Variants in ZFHX3 observed in about 807,000 individuals in gnomAD.
ZFHX3 encodes the protein zinc finger homeobox protein 3.
In ZFHX3, 42 loss-of-function variants were observed where a neutral mutation model predicts 279.1. The ratio of observed to expected loss-of-function variants is 0.15; its 90% CI spans 0.12 to 0.19. The LOEUF (loss-of-function observed/expected upper bound fraction) is 0.19, where lower values mean the gene tolerates loss of function less well. Among genes scored for constraint, ZFHX3 ranks in the 10% least tolerant of loss-of-function variants. The pLI, the probability that ZFHX3 is intolerant of heterozygous loss-of-function variation, is 1.00. For missense variants in ZFHX3, 4,981 were observed against 4,754.0 expected (o/e 1.05, Z -1.40); for synonymous variants, 2,293 against 1,957.8 (o/e 1.17, Z -4.52).
At chr16:73,763,642 T>C (rs113851874) in intron 1 of ZFHX3, among the ~76,000 whole-genome samples, 7 of 152,260 alleles carry the variant, frequency 4.6e-5, no homozygotes, top group South Asian at 2.1e-4. Context: ...TCCCTCCTTT[T>C]GAATGGGTGT....
intron 2 of ZFHX3, among the ~76,000 whole-genome samples, chr16:73,604,724 G>A (rs925858705): frequency 2.8e-5 from 4 of 143,998 alleles, no homozygotes; most frequent in South Asian, 2.4e-4. Context: ...CAACCTGGGC[G>A]ACAGAGGGAG....
intron 7 of ZFHX3, among the ~76,000 whole-genome samples, chr16:73,098,028 C>A (rs989884153): frequency 6.6e-6 from 1 of 150,530 alleles, no homozygotes; most frequent in African/African-American, 2.4e-5. Flanking sequence ...AATAATGTTG[C>A]TGTCAACATG....
intron 4 of ZFHX3, among the ~76,000 whole-genome samples, chr16:73,309,959 A>G (rs751113754): frequency 2.4e-5 from 3 of 125,852 alleles, no homozygotes; most frequent in Non-Finnish European, 4.7e-5. Flanking sequence ...CCCAGGATGG[A>G]GTGCAATGGA....
intron 3 of ZFHX3, among the ~76,000 whole-genome samples, chr16:73,379,350 A>G (rs1263835072): frequency 1.3e-5 from 2 of 152,034 alleles, no homozygotes; most frequent in African/African-American, 2.4e-5. Flanking sequence ...GCCCCAATCT[A>G]TCACCCCACA....
At chr16:73,149,742 T>G (rs1419852467) in intron 5 of ZFHX3, among the ~76,000 whole-genome samples, 1 of 152,242 alleles carries the variant, frequency 6.6e-6, no homozygotes, top group Non-Finnish European at 1.5e-5. Context: ...GCTCTTTACC[T>G]GGATTTTATC....
chr16:73,749,947 T>C (rs1218164909), intron 1 of ZFHX3, among the ~76,000 whole-genome samples: 1 of 152,182 alleles, frequency 6.6e-6, no homozygotes, highest in East Asian at 1.9e-4. Context: ...TCCCAAACCA[T>C]ACTTACTAGC....
chr16:73,843,936 A>G (rs1055577724), intron 1 of ZFHX3, among the ~76,000 whole-genome samples: 1 of 152,232 alleles, frequency 6.6e-6, no homozygotes, highest in Admixed American at 6.5e-5. Flanking sequence ...CATGTGTAAC[A>G]AAATATTCTT....
chr16:73,703,751 A>G (rs2053275665), intron 1 of ZFHX3, among the ~76,000 whole-genome samples: 1 of 152,346 alleles, frequency 6.6e-6, no homozygotes, highest in African/African-American at 2.4e-5. Context: ...ACACACAGGT[A>G]GATGGATAGG....
intron 5 of ZFHX3, among the ~76,000 whole-genome samples, chr16:73,186,034 G>T (rs1055722043): frequency 6.6e-6 from 1 of 151,988 alleles, no homozygotes; most frequent in Non-Finnish European, 1.5e-5. Flanking sequence ...TCTAGGTTGC[G>T]CACTCCCTGT....
In ZFHX3 at chr16:72,844,070, AG is replaced by A. The variant is rs1483749613; in HGVS notation, c.3449-14212del. The stretch of plus-strand genomic sequence containing the variant: ...CTCCCCTCCATGCTCTTTTCTGGAA[AG>A]GGGGGAATCCCAGAAGTACTGCTCC... On this transcript the variant is annotated intron_variant, in intron 4 of 9. Transcript: ENST00000268489. 4.6e-5 allele frequency among the ~76,000 whole-genome samples: 7 copies of A among 152,098 alleles called. No homozygotes were observed. The South Asian group carries it at 1.2e-3, about 27-fold the overall frequency.
intron 3 of ZFHX3, among the ~76,000 whole-genome samples, chr16:73,333,344 T>C (rs1342767312): frequency 2.6e-5 from 4 of 151,612 alleles, no homozygotes; most frequent in South Asian, 2.1e-4. Context: ...CATAGACACA[T>C]AGATGGATAG....
chr16:73,806,512 A>G (rs1165065328), intron 1 of ZFHX3, among the ~76,000 whole-genome samples: 1 of 152,034 alleles, frequency 6.6e-6, no homozygotes, highest in Non-Finnish European at 1.5e-5. Context: ...GTCCTTGTAC[A>G]GATACACAGT....
At chr16:73,388,620 T>A (rs1284124413) in intron 3 of ZFHX3, among the ~76,000 whole-genome samples, 1 of 152,098 alleles carries the variant, frequency 6.6e-6, no homozygotes, top group Non-Finnish European at 1.5e-5. Context: ...GTTTCTGCCC[T>A]CCCCAACCTC....
chr16:72,793,861 C>A lies in ZFHX3; in HGVS notation c.8821G>T (p.Gly2941Ter). 1 of 1,614,174 alleles carries A rather than the reference C, an allele frequency of 6.2e-7. No homozygotes were observed. Among genetic ancestry groups the A allele is most frequent in the Non-Finnish European group, 8.5e-7 (1 of 1,180,036 alleles). Residue 2941 changes from glycine (G) to a stop codon, truncating the protein, a stop_gained, in exon 9 of 10, where the codon GGA (glycine) becomes TGA (stop). Transcript: ENST00000268489. LOFTEE classifies it high-confidence loss of function. This position sits in a 1 kb window ranked among gnomAD's most constrained non-coding sequence, Gnocchi z 4.3. ...SGSAGKSGDS[G>*]DRPGQKRFRT... ...AAACGTTTCTGCCCAGGCCGATCTC[C>A]GCTGTCACCAGATTTGCCTGCAGAT...
At chr16:73,556,126 G>T (rs926140116) in intron 2 of ZFHX3, among the ~76,000 whole-genome samples, 1 of 152,148 alleles carries the variant, frequency 6.6e-6, no homozygotes, top group African/African-American at 2.4e-5. Context: ...CCGATGTGCG[G>T]CCTTAATTGG....
At chr16:73,543,847 G>A (rs573461219) in intron 2 of ZFHX3, 1 of 147,174 alleles carries the variant, frequency 6.8e-6, no homozygotes, top group Non-Finnish European at 1.5e-5. Context: ...GGGTGGGGGA[G>A]GGAGGACAGA....
chr16:73,044,481 G>A (rs1280594393), intron 1 of ZFHX3, among the ~76,000 whole-genome samples: 2 of 152,074 alleles, frequency 1.3e-5, no homozygotes, highest in South Asian at 2.1e-4. Context: ...TGTGCAGTAC[G>A]AGTGAGGGTG....
chr16:73,185,273 AT>A (rs1300682989), intron 5 of ZFHX3, among the ~76,000 whole-genome samples: 2 of 152,194 alleles, frequency 1.3e-5, no homozygotes, highest in Non-Finnish European at 2.9e-5. Context: ...GGGTTGTCTT[AT>A]TATATGCAGT....
chr16:72,911,381 T>C (rs929333638), intron 3 of ZFHX3, among the ~76,000 whole-genome samples: 3 of 152,228 alleles, frequency 2.0e-5, no homozygotes, highest in African/African-American at 7.2e-5. Flanking sequence ...ATTATCTGCA[T>C]GAATGAAGCG....
Sources: gnomAD v4.1 joint callset for allele counts (sites outside exome capture counted in the v4.1 genomes callset) on GRCh38, gnomAD v4.1.1 for gene constraint, Gnocchi (gnomAD v3.1) non-coding constraint, MANE v1.5 for transcripts, NCBI Gene and HGNC (gene_info 2026-07-23, HGNC 2026-07-21) for gene names.